The following PRPF40B variants were observed in gnomAD, a reference collection of about 807,000 sequenced individuals.
PRPF40B encodes the protein pre-mRNA processing factor 40B, also known as pre-mRNA-processing factor 40 homolog B.
A neutral mutation model predicts 124.5 loss-of-function variants in PRPF40B; 56 were observed. The observed-to-expected ratio is 0.45, with a 90% CI of 0.36 to 0.56. The LOEUF (loss-of-function observed/expected upper bound fraction) is 0.56. Among genes scored for constraint, PRPF40B ranks in the 20% least tolerant of loss-of-function variants. The probability of loss-of-function intolerance (pLI) is 0.00; values close to 1 mark genes in which losing one functional copy is unlikely to be tolerated. For missense variants in PRPF40B, 1,053 were observed against 1,169.5 expected, an observed-to-expected ratio of 0.90 and a Z score of 1.45; for synonymous variants, 443 against 426.4, an observed-to-expected ratio of 1.04 and a Z score of -0.48.
At chr12:49,630,664 CCTGCACCCCCAACT>C in intron 2 of PRPF40B, 39 bp downstream of exon 2, 1 of 801,268 alleles carries the variant, frequency 1.2e-6, no homozygotes, top group South Asian at 1.4e-5. Flanking sequence ...GCTTTTCCAG[CCTGCACCCCCAACT>C]CCCCAGCCCC....
chr12:49,638,066 A>G lies in PRPF40B; in HGVS notation c.1767+242A>G. The G allele has an allele frequency of 6.1e-6, 3 of 491,378 alleles. No homozygotes were observed. The South Asian group carries it at 8.3e-5, about 14-fold the overall frequency. The allele number at this position is 491,378 out of a possible 1,614,324, so 30.4% of individuals were successfully genotyped here. A position where few individuals can be genotyped will look rare whatever the true frequency, so the allele number is the denominator to read the frequency against. ...TATACAAAGGGGCAAGTGTTATTAC[A>G]GAGACAGGAATCTGAAGAACTAACA... On this transcript the variant is annotated intron_variant, in intron 18 of 25. Transcript: ENST00000548825.
At chr12:49,643,051 C>T (rs1361778924) in intron 22 of PRPF40B, 35 bp downstream of exon 22, 2 of 1,608,490 alleles carry the variant, frequency 1.2e-6, no homozygotes, top group Admixed American at 3.4e-5. Context: ...TGGGGTGAAG[C>T]TGGGTTGTTT....
chr12:49,639,362 A>T (rs561753080), intron 18 of PRPF40B: 3 of 152,224 alleles, frequency 2.0e-5, no homozygotes, highest in African/African-American at 7.2e-5. Context: ...AAAGTCCAAG[A>T]AGCACTAGAT....
In PRPF40B at chr12:49,633,022, A is replaced by G. The variant is rs200032264; in HGVS notation, c.357A>G (p.Leu119=). 1.1e-4 allele frequency: 82 copies of G among 715,392 alleles called. No homozygotes were observed. The East Asian group carries it at 1.7e-3, about 15-fold the overall frequency. 44.3% of individuals were successfully genotyped at this position (715,392 alleles called of 1,614,324 possible). ...AVAGTGPPRA[L]WSEHVAPDGR... The stretch of plus-strand genomic sequence containing the variant: ...CCCCCCCCCCCACCCAGAGGGCCCT[A>G]TGGAGTGAGCATGTGGCCCCAGATG... The change falls in exon 7 of 26, where the codon CTA becomes CTG. Residue 119 remains leucine, a synonymous_variant. Transcript: ENST00000548825.
In PRPF40B at chr12:49,642,421, G is replaced by A. The variant is rs377154240; in HGVS notation, c.2022+49G>A. The stretch of plus-strand genomic sequence containing the variant: ...AGCACCCCTCAAGCCTGAGGGCAGC[G>A]GTGCTTCACCACTGAGGGCCCACCC... On this transcript the variant is annotated intron_variant, in intron 20 of 25. Transcript: ENST00000548825. The surrounding 1 kb of genome is among the most constrained non-coding windows in gnomAD (Gnocchi z 5.8). The A allele has an allele frequency of 1.3e-4, 201 of 1,603,490 alleles. No homozygotes were observed. In the Middle Eastern group the frequency reaches 1.4e-3, roughly 11 times the overall value.
chr12:49,637,732 G>T lies in PRPF40B; in HGVS notation c.1676-1G>T. 7.1e-7 allele frequency: 1 copy of T among 1,406,742 alleles called. No homozygotes were observed. Among genetic ancestry groups the T allele is most frequent in the Non-Finnish European group, 9.8e-7 (1 of 1,020,372 alleles). 87.1% of individuals were successfully genotyped at this position (1,406,742 alleles called of 1,614,324 possible). On this transcript the variant is annotated splice_acceptor_variant, in intron 17 of 25. Coordinates refer to ENST00000548825, the MANE Select transcript of PRPF40B (RefSeq NM_001031698.3). LOFTEE classifies it high-confidence loss of function. ...AGGCCCCCCTCCCTCCCTCCTTACA[G>T]GCTCCACCCCTCTGGACTTATTCAA...
intron 23 of PRPF40B, 121 bp downstream of exon 23, chr12:49,643,518 T>C (rs974998628): frequency 2.8e-6 from 4 of 1,405,030 alleles, no homozygotes; most frequent in East Asian, 4.7e-5. Flanking sequence ...CCTGTGGAAG[T>C]AGAAAGAACT....
upstream of PRPF40B, chr12:49,623,362 A>ACG (rs1940370705): frequency 4.7e-6 from 1 of 210,726 alleles, no homozygotes; most frequent in East Asian, 1.2e-4. Context: ...CGGACCCGGG[A>ACG]CGCGGCGGCG....
chr12:49,630,165 G>C (rs1941082506), intron 1 of PRPF40B, among the ~76,000 whole-genome samples: 1 of 152,234 alleles, frequency 6.6e-6, no homozygotes, highest in Non-Finnish European at 1.5e-5. Flanking sequence ...GAATAAAAGA[G>C]ACCTCTAACT....
rs767702609 is a variant in PRPF40B, at chr12:49,632,994, G to A, written c.349-20G>A. The A allele has an allele frequency of 6.7e-7, 1 of 1,492,264 alleles. No homozygotes were observed. The highest frequency in any genetic ancestry group is 1.4e-5 in the African/African-American group (1 of 69,530). The allele number at this position is 1,492,264 out of a possible 1,614,324, so 92.4% of individuals were successfully genotyped here. The stretch of plus-strand genomic sequence containing the variant: ...GAAAAGGGGCCTTGACCACCATTCT[G>A]TGCCCCCCCCCCCACCCAGAGGGCC... On this transcript the variant is annotated intron_variant, in intron 6 of 25. Transcript: ENST00000548825.
chr12:49,637,136 G>T, intron 16 of PRPF40B: 1 of 578,022 alleles, frequency 1.7e-6, no homozygotes, highest in Non-Finnish European at 3.1e-6. Flanking sequence ...TCCCTTGGTG[G>T]GGCACCCGAC....
At chr12:49,629,561 C>T (rs1162347148) in intron 1 of PRPF40B, among the ~76,000 whole-genome samples, 2 of 152,142 alleles carry the variant, frequency 1.3e-5, no homozygotes, top group African/African-American at 4.8e-5. Flanking sequence ...CTATTATGTG[C>T]CAGATGCTGG....
At chr12:49,636,516 ATTCTT>A (rs1941823514) in intron 15 of PRPF40B, 195 bp from the exon 16 acceptor site, 1 of 568,546 alleles carries the variant, frequency 1.8e-6, no homozygotes, top group Admixed American at 3.0e-5. Flanking sequence ...TTGCTTATTT[ATTCTT>A]ATACAATTAA....
rs781278822 is a variant in PRPF40B at position 49,635,262 on chromosome 12, C to T, written c.1165C>T (p.Arg389Trp). ...HERMTSTTRY[R>W]RAEQTFGELE... ...ACGCATGACCTCCACCACCCGCTACCGGTCAGGGGGCCAGGCTGGGCTGGG... is the reference window on the plus strand; with the variant it reads ...ACGCATGACCTCCACCACCCGCTACTGGTCAGGGGGCCAGGCTGGGCTGGG... Residue 389 changes from arginine to tryptophan, a missense_variant and splice_region_variant, in exon 13 of 26, where the codon CGG (arginine) becomes TGG (tryptophan). This residue lies in a region of PRPF40B where 895 missense variants were observed against 1,052.2 expected (regional missense o/e 0.85). Coordinates refer to ENST00000548825, the MANE Select transcript of PRPF40B (RefSeq NM_001031698.3). The surrounding 1 kb of genome is among the most constrained non-coding windows in gnomAD (Gnocchi z 4.1). 8.7e-6 allele frequency: 14 copies of T among 1,612,396 alleles called. No homozygotes were observed. The highest frequency in any genetic ancestry group is 3.3e-5 in the South Asian group (3 of 90,938).
chr12:49,637,997 C>T, intron 18 of PRPF40B, 173 bp downstream of exon 18: 1 of 596,838 alleles, frequency 1.7e-6, no homozygotes, highest in Non-Finnish European at 3.0e-6. Flanking sequence ...CAATTTCTAC[C>T]ACAGGAGCTC....
intron 16 of PRPF40B, 132 bp downstream of exon 16, chr12:49,636,981 C>A: frequency 7.7e-7 from 1 of 1,291,486 alleles, no homozygotes; most frequent in Non-Finnish European, 1.1e-6. Flanking sequence ...CTCTATGAGA[C>A]CTCTCTCTGC....
At position 49,636,695 on chromosome 12, in the gene PRPF40B, G is replaced by C. The variant is rs762282816; in HGVS notation, c.1427-21G>C. 1.2e-5 allele frequency: 19 copies of C among 1,613,332 alleles called. No homozygotes were observed. The African/African-American group carries it at 2.1e-4, about 18-fold the overall frequency. The stretch of plus-strand genomic sequence containing the variant: ...GTATCCTGCTGGGACAATGCCCGCG[G>C]AACCTCCTGCCTGTCTTTAGACATG... On this transcript the variant is annotated intron_variant, in intron 15 of 25. Coordinates refer to ENST00000548825, the MANE Select transcript of PRPF40B (RefSeq NM_001031698.3).
chr12:49,642,678 GAGGC>G lies in PRPF40B; in HGVS notation c.2118+8_2118+11del. The G allele has an allele frequency of 1.2e-6, 2 of 1,613,540 alleles. No homozygotes were observed. Among genetic ancestry groups the G allele is most frequent in the Non-Finnish European group, 1.7e-6 (2 of 1,179,736 alleles). On this transcript the variant is annotated splice_donor_5th_base_variant and intron_variant, in intron 21 of 25. Transcript: ENST00000548825. This position sits in a 1 kb window ranked among gnomAD's most constrained non-coding sequence, Gnocchi z 5.8. ...GGGAGTTCCTACAGGTGCTGGAGGT[GAGGC>G]AGGCTTGTCCTCTGGATCTGCCTCA... is the stretch of plus-strand genomic sequence containing the variant.
intron 18 of PRPF40B, 199 bp from the exon 19 acceptor site, chr12:49,641,709 C>G (rs1234319248): frequency 1.7e-6 from 1 of 583,506 alleles, no homozygotes. Context: ...TGTGTGACAT[C>G]CAAACCAAGG....
Sources: allele counts gnomAD v4.1 joint callset (sites outside exome capture counted in the v4.1 genomes callset), GRCh38; gene constraint gnomAD v4.1.1; regional missense constraint gnomAD v4.1.1; non-coding constraint Gnocchi (gnomAD v3.1); transcripts MANE v1.5; gene names NCBI Gene and HGNC (gene_info 2026-07-23, HGNC 2026-07-21).